The following CNOT7 variants were observed in gnomAD, a reference collection of about 807,000 sequenced individuals.
CNOT7 encodes CCR4-NOT transcription complex subunit 7, also known as BTG1-binding factor 1.
A neutral mutation model predicts 37.1 loss-of-function variants in CNOT7; 4 were observed. The ratio of observed to expected loss-of-function variants is 0.11; its 90% CI spans 0.05 to 0.25. The LOEUF (loss-of-function observed/expected upper bound fraction) is 0.25, where lower values mean the gene tolerates loss of function less well. CNOT7 is among the 10% of genes least tolerant of loss of function. The pLI, the probability that CNOT7 is intolerant of heterozygous loss-of-function variation, is 1.00. For synonymous variants in CNOT7, 128 were observed against 115.6 expected (o/e 1.11, Z -0.69); for missense variants, 170 against 336.2 (o/e 0.51, Z 3.87).
At chr8:17,234,897 A>G in intron 4 of CNOT7, 37 bp from the exon 5 acceptor site, 1 of 1,566,222 alleles carries the variant, frequency 6.4e-7, no homozygotes. Context: ...AGAGGGACAT[A>G]TAAATACTAT....
chr8:17,231,387 A>C (rs911279225), intron 6 of CNOT7: 1 of 296,644 alleles, frequency 3.4e-6, no homozygotes, highest in African/African-American at 2.3e-5. Context: ...GACATTTTTA[A>C]AATGCAAAGC....
intron 3 of CNOT7, among the ~76,000 whole-genome samples, chr8:17,239,010 A>C (rs1198126948): frequency 1.3e-5 from 2 of 152,128 alleles, no homozygotes; most frequent in Non-Finnish European, 2.9e-5. Context: ...GAACACACAA[A>C]TATGTCTGTG....
chr8:17,243,775 G>T (rs1236516987), intron 2 of CNOT7, among the ~76,000 whole-genome samples: 2 of 152,140 alleles, frequency 1.3e-5, no homozygotes, highest in African/African-American at 4.8e-5. Flanking sequence ...TATCATCTGA[G>T]AAATCAATGA....
intron 2 of CNOT7, chr8:17,244,188 G>A (rs1013428860): frequency 6.3e-6 from 1 of 159,350 alleles, no homozygotes; most frequent in Non-Finnish European, 1.4e-5. Flanking sequence ...CAGTAGGGTA[G>A]CTAACAGATA....
chr8:17,231,143 A>G (rs1251111846), intron 6 of CNOT7, among the ~76,000 whole-genome samples: 1 of 152,130 alleles, frequency 6.6e-6, no homozygotes. Context: ...CTATTCCATT[A>G]ATTTAACAAT....
rs999874877 is a variant in CNOT7, at chr8:17,243,447, A to T, written c.118-262T>A. 4 of 590,746 alleles carry T rather than the reference A, an allele frequency of 6.8e-6. No homozygotes were observed. In the African/African-American group the frequency reaches 7.3e-5, roughly 11 times the overall value. 36.6% of individuals were successfully genotyped at this position (590,746 alleles called of 1,614,324 possible). ...AAATTTAACCAAATACTTACTCTAT[A>T]ACCAAGAAAGGGGGGAAAATCATAA... On this transcript the variant is annotated intron_variant, in intron 2 of 6. Coordinates refer to ENST00000361272, the MANE Select transcript of CNOT7 (RefSeq NM_013354.7).
rs556135741 is a variant in CNOT7 at position 17,229,486 on chromosome 8, A to G, written c.*1234T>C. 10 of 152,330 alleles carry G rather than the reference A, an allele frequency of 6.6e-5. No homozygotes were observed. The South Asian group carries it at 2.1e-3, about 32-fold the overall frequency. The allele number at this position is 152,330 out of a possible 1,614,324, so 9.4% of individuals were successfully genotyped here. A position where few individuals can be genotyped will look rare whatever the true frequency, so the allele number is the denominator to read the frequency against. On this transcript the variant is annotated 3_prime_UTR_variant, in exon 7 of 7. Coordinates refer to ENST00000361272, the MANE Select transcript of CNOT7 (RefSeq NM_013354.7). ...GGGGTAGAGTTAATGATTACCGTAA[A>G]GTCTTCCTACACATGCTCTGGTCTG...
rs1808156347 is a variant in CNOT7, at chr8:17,226,272, A to T, written c.*4448T>A. ...GGGGACGGGAGGTAACATTTTGCTC[A>T]ATTTGGGCTGAAAGTTGGTATCCCC... On this transcript the variant is annotated 3_prime_UTR_variant, in exon 7 of 7. Transcript: ENST00000361272. 1 of 151,222 alleles carries T rather than the reference A, an allele frequency of 6.6e-6. No individual in the cohort carries two copies. The highest frequency in any genetic ancestry group is 2.4e-5 in the African/African-American group (1 of 41,270). The allele number at this position is 151,222 out of a possible 1,614,324, so 9.4% of individuals were successfully genotyped here. A position where few individuals can be genotyped will look rare whatever the true frequency, so the allele number is the denominator to read the frequency against.
Position 17,245,307 on chromosome 8 carries a change from T to C in CNOT7, c.-95-60A>G, listed in dbSNP as rs151126886. On this transcript the variant is annotated intron_variant, in intron 1 of 6. Transcript: ENST00000361272. ...ATATCAAATCTGAATCACAGAATAA[T>C]TGATCCAGCAGGAACCTAAGAAGTT... is the stretch of plus-strand genomic sequence containing the variant. 186 of 737,194 alleles carry C rather than the reference T, an allele frequency of 2.5e-4. No homozygotes were observed. In the East Asian group the frequency reaches 4.8e-3, roughly 19 times the overall value. 45.7% of individuals were successfully genotyped at this position (737,194 alleles called of 1,614,324 possible).
At chr8:17,245,427 C>T (rs910129511) in intron 1 of CNOT7, among the ~76,000 whole-genome samples, 180 bp from the exon 2 acceptor site, 2 of 151,930 alleles carry the variant, frequency 1.3e-5, no homozygotes, top group Non-Finnish European at 2.9e-5. Flanking sequence ...AAAAGGACTA[C>T]AGTACAGATT....
In CNOT7 at chr8:17,225,945, C is replaced by CCACTG. The variant is rs1313186363; in HGVS notation, c.*4770_*4774dup. On this transcript the variant is annotated 3_prime_UTR_variant, in exon 7 of 7. Coordinates refer to ENST00000361272, the MANE Select transcript of CNOT7 (RefSeq NM_013354.7). ...ACCTCAGGTTGCCTACCCAGAGGAG[C>CCACTG]CACTGCATTTGGCAATGCAGATGAA... is the stretch of plus-strand genomic sequence containing the variant. The CCACTG allele has an allele frequency of 6.9e-6, 1 of 145,854 alleles. No individual in the cohort carries two copies. Among genetic ancestry groups the CCACTG allele is most frequent in the Non-Finnish European group, 1.5e-5 (1 of 66,898 alleles). The allele number at this position is 145,854 out of a possible 1,614,324, so 9.0% of individuals were successfully genotyped here. A position where few individuals can be genotyped will look rare whatever the true frequency, so the allele number is the denominator to read the frequency against.
rs191738760 is a variant in CNOT7 at position 17,232,221 on chromosome 8, T to A, written c.729+206A>T. On this transcript the variant is annotated intron_variant, in intron 6 of 6. Transcript: ENST00000361272. ...TGTTTTAAAATTGTTGGTTCTATGA[T>A]GAACATGTTCTCCCAGTTCCTTCTG... 5.2e-5 allele frequency: 73 copies of A among 1,402,118 alleles called. No individual in the cohort carries two copies. In the East Asian group the frequency reaches 1.8e-3, roughly 35 times the overall value. The allele number at this position is 1,402,118 out of a possible 1,614,324, so 86.9% of individuals were successfully genotyped here.
At position 17,225,974 on chromosome 8, in the gene CNOT7, G is replaced by C. The variant is rs201194844; in HGVS notation, c.*4746C>G. 1 of 143,994 alleles carries C rather than the reference G, an allele frequency of 6.9e-6. No homozygotes were observed. Among genetic ancestry groups the C allele is most frequent in the South Asian group, 2.2e-4 (1 of 4,536 alleles). 8.9% of individuals were successfully genotyped at this position (143,994 alleles called of 1,614,324 possible). ...TGCATTTGGCAATGCAGATGAAATA[G>C]CAAACAGGACAGACATAGACCCTTG... On this transcript the variant is annotated 3_prime_UTR_variant, in exon 7 of 7. Transcript: ENST00000361272.
At chr8:17,246,163 T>C (rs908384909) in intron 1 of CNOT7, 3 of 152,190 alleles carry the variant, frequency 2.0e-5, no homozygotes, top group African/African-American at 7.3e-5. Context: ...CTAACATTGT[T>C]TTCCTCCACC....
At chr8:17,241,029 GTTTAC>G (rs1234029992) in intron 3 of CNOT7, among the ~76,000 whole-genome samples, 30 of 152,178 alleles carry the variant, frequency 2.0e-4, no homozygotes, top group Admixed American at 2.0e-3. Context: ...GGTTGGACAA[GTTTAC>G]TTTACAAGGT....
chr8:17,233,216 T>C (rs938873015), intron 5 of CNOT7, among the ~76,000 whole-genome samples: 1 of 151,996 alleles, frequency 6.6e-6, no homozygotes, highest in Non-Finnish European at 1.5e-5. Flanking sequence ...GAGGGGAGAA[T>C]AAGTAGAGCG....
rs1282622133 is a variant in CNOT7, at chr8:17,226,976, G to A, written c.*3744C>T. ...CTGCTAAGCCATTGAACGCCTGTGT[G>A]GCAAATCAAATCAGGATATTCAGCT... On this transcript the variant is annotated 3_prime_UTR_variant, in exon 7 of 7. Coordinates refer to ENST00000361272, the MANE Select transcript of CNOT7 (RefSeq NM_013354.7). 1 of 150,532 alleles carries A rather than the reference G, an allele frequency of 6.6e-6. No homozygotes were observed. Among genetic ancestry groups the A allele is most frequent in the African/African-American group, 2.4e-5 (1 of 41,158 alleles). 9.3% of individuals were successfully genotyped at this position (150,532 alleles called of 1,614,324 possible). A position where few individuals can be genotyped will look rare whatever the true frequency, so the allele number is the denominator to read the frequency against.
chr8:17,241,802 A>C (rs1810201890), intron 3 of CNOT7: 1 of 152,242 alleles, frequency 6.6e-6, no homozygotes, highest in Non-Finnish European at 1.5e-5. Flanking sequence ...CCTACGGCAT[A>C]TTTCTGGTCA....
intron 4 of CNOT7, among the ~76,000 whole-genome samples, chr8:17,235,665 A>T (rs902155111): frequency 6.6e-6 from 1 of 152,116 alleles, no homozygotes. Context: ...CCTTCCAAGG[A>T]CCTCTAACAG....
Sources: allele counts gnomAD v4.1 joint callset (sites outside exome capture counted in the v4.1 genomes callset), GRCh38; gene constraint gnomAD v4.1.1; transcripts MANE v1.5; gene names NCBI Gene and HGNC (gene_info 2026-07-23, HGNC 2026-07-21).